The following CHD6 variants were observed in gnomAD, a reference collection of about 807,000 sequenced individuals.
The protein encoded by CHD6 is chromodomain helicase DNA binding protein 6, also known as ATP-dependent chromatin remodeler CHD6.
Under a neutral mutation model 276.9 loss-of-function variants are expected in CHD6, and 50 were observed. That is an observed-to-expected ratio of 0.18 (90% CI 0.14 to 0.23). The LOEUF is 0.23. CHD6 is among the 10% of genes least tolerant of loss of function. CHD6 has a pLI of 1.00. For missense variants in CHD6, 2,564 were observed against 3,365.8 expected, an observed-to-expected ratio of 0.76 and a Z score of 5.89; for synonymous variants, 1,173 against 1,229.3, an observed-to-expected ratio of 0.95 and a Z score of 0.96.
At chr20:41,482,683 A>G (rs1444728087) in intron 16 of CHD6, 4 of 362,456 alleles carry the variant, frequency 1.1e-5, no homozygotes, top group Non-Finnish European at 2.2e-5. Flanking sequence ...AAAGTAATAC[A>G]CATGAGGTAA....
At chr20:41,510,525 T>C (rs1266190922) in intron 5 of CHD6, among the ~76,000 whole-genome samples, 1 of 152,218 alleles carries the variant, frequency 6.6e-6, no homozygotes, top group Non-Finnish European at 1.5e-5. Context: ...TCCTTAAATT[T>C]AGTAAATTTT....
Position 41,533,684 on chromosome 20 carries a change from T to C in CHD6, c.34-114A>G, listed in dbSNP as rs1336774210. On this transcript the variant is annotated intron_variant, in intron 2 of 36. Transcript: ENST00000373233. ...CAACAAATATTTACTGAGTTCCCAC[T>C]CTCTGTTAGTTCCTATTGTGCTAGG... 12 of 925,260 alleles carry C rather than the reference T, an allele frequency of 1.3e-5. No homozygotes were observed. In the South Asian group the frequency reaches 1.9e-4, roughly 14 times the overall value. The allele number at this position is 925,260 out of a possible 1,614,324, so 57.3% of individuals were successfully genotyped here. A position where few individuals can be genotyped will look rare whatever the true frequency, so the allele number is the denominator to read the frequency against.
intron 1 of CHD6, among the ~76,000 whole-genome samples, chr20:41,590,116 G>C (rs1017834305): frequency 6.6e-6 from 1 of 152,136 alleles, no homozygotes; most frequent in African/African-American, 2.4e-5. Flanking sequence ...AATGGGGAAA[G>C]GATTCCCTAT....
chr20:41,565,861 G>C (rs1167171719), intron 1 of CHD6, among the ~76,000 whole-genome samples: 1 of 152,154 alleles, frequency 6.6e-6, no homozygotes, highest in Non-Finnish European at 1.5e-5. Flanking sequence ...ATTAACAAAG[G>C]CTGACCAATG....
At position 41,404,712 on chromosome 20, in the gene CHD6, T is replaced by C. The variant is rs1262581758; in HGVS notation, c.8029A>G (p.Arg2677Gly). 6.3e-7 allele frequency: 1 copy of C among 1,599,028 alleles called. No individual in the cohort carries two copies. The highest frequency in any genetic ancestry group is 2.2e-5 in the East Asian group (1 of 44,760). The change falls in exon 37 of 37, where the codon AGG (arginine) becomes GGG (glycine). Residue 2677 changes from arginine (R) to glycine (G), a missense_variant. By Grantham distance (125) the Arg-to-Gly change is moderately radical. This residue lies in a region of CHD6 where 238 missense variants were observed against 266.0 expected (regional missense o/e 0.89). Transcript: ENST00000373233. The stretch of plus-strand genomic sequence containing the variant: ...CAGTTCTCATCACCGCTGGGCTCCC[T>C]TTCACAGCTGGGAGCAGGCTCTGGG... The part of the protein sequence containing the change: ...SHPEPAPSCE[R>G]EPSGDENCAE...
At chr20:41,481,953 C>A (rs959391382) in intron 16 of CHD6, among the ~76,000 whole-genome samples, 6 of 151,886 alleles carry the variant, frequency 4.0e-5, no homozygotes, top group Non-Finnish European at 8.8e-5. Flanking sequence ...GAGAAGATAA[C>A]CCCCAAGATG....
chr20:41,542,507 A>C (rs1020144599), intron 2 of CHD6, among the ~76,000 whole-genome samples: 1 of 151,890 alleles, frequency 6.6e-6, no homozygotes, highest in African/African-American at 2.4e-5. Flanking sequence ...CCTGGCTAAC[A>C]TGGTAAAACC....
intron 2 of CHD6, among the ~76,000 whole-genome samples, chr20:41,541,391 A>G (rs2044939707): frequency 6.6e-6 from 1 of 152,224 alleles, no homozygotes; most frequent in Non-Finnish European, 1.5e-5. Flanking sequence ...TGTTCTTCAC[A>G]TAGTCACAGC....
intron 25 of CHD6, among the ~76,000 whole-genome samples, chr20:41,443,607 C>T (rs1431044050): frequency 6.6e-6 from 1 of 152,170 alleles, no homozygotes; most frequent in Non-Finnish European, 1.5e-5. Context: ...CTTGTTTCAC[C>T]TCTTGGATGT....
At chr20:41,479,351 T>TC (rs1427292663) in intron 16 of CHD6, among the ~76,000 whole-genome samples, 1 of 152,118 alleles carries the variant, frequency 6.6e-6, no homozygotes, top group East Asian at 1.9e-4. Flanking sequence ...GCAGGATGAA[T>TC]CCCAATGATC....
At chr20:41,543,312 G>C (rs1473012782) in intron 2 of CHD6, among the ~76,000 whole-genome samples, 1 of 152,062 alleles carries the variant, frequency 6.6e-6, no homozygotes, top group Non-Finnish European at 1.5e-5. Flanking sequence ...CTAAGATTTG[G>C]GATTTGACTC....
At chr20:41,589,204 G>C (rs1401813223) in intron 1 of CHD6, among the ~76,000 whole-genome samples, 1 of 152,158 alleles carries the variant, frequency 6.6e-6, no homozygotes, top group Non-Finnish European at 1.5e-5. Context: ...ATTAGGTATT[G>C]ATGGGACATA....
At position 41,533,413 on chromosome 20, in the gene CHD6, G is replaced by A; in HGVS notation, c.191C>T (p.Ala64Val). ...AAAAAGGGTAGCAGCTTCCTCTTCA[G>A]CAGTATACAGGTCCTTCTGAGGCAG... The part of the protein sequence containing the change: ...HCLPQKDLYT[A>V]EEEAATLFPR... Residue 64 changes from alanine (A) to valine (V), a missense_variant, in exon 3 of 37, where the codon GCT (alanine) becomes GTT (valine). This residue lies in a region of CHD6 where 286 missense variants were observed against 297.8 expected (regional missense o/e 0.96). Coordinates refer to ENST00000373233, the MANE Select transcript of CHD6 (RefSeq NM_032221.5). The A allele has an allele frequency of 6.2e-7, 1 of 1,614,054 alleles. No individual in the cohort carries two copies. Among genetic ancestry groups the A allele is most frequent in the Non-Finnish European group, 8.5e-7 (1 of 1,180,014 alleles).
chr20:41,532,706 C>T (rs886596602), intron 3 of CHD6, among the ~76,000 whole-genome samples: 2 of 151,882 alleles, frequency 1.3e-5, no homozygotes, highest in African/African-American at 4.8e-5. Context: ...ATAGGGGGTA[C>T]ATCTACACAG....
intron 1 of CHD6, among the ~76,000 whole-genome samples, chr20:41,593,289 TCCCTTGTG>T (rs1319022233): frequency 6.6e-6 from 1 of 152,012 alleles, no homozygotes. Flanking sequence ...TGAAATTATC[TCCCTTGTG>T]ATGCTCACAT....
Position 41,451,094 on chromosome 20 carries a change from G to A in CHD6, c.3535C>T (p.Pro1179Ser), listed in dbSNP as rs1303527543. ...TTCCCCTTCCTCCCTCTGGGGACTGGGGCAGATAAGCCTGAAACAGAAAGA... is the reference window on the plus strand; with the variant it reads ...TTCCCCTTCCTCCCTCTGGGGACTGAGGCAGATAAGCCTGAAACAGAAAGA... ...TLQNHSGLSA[P>S]VPRGRKGKKT... The change falls in exon 23 of 37, where the codon CCA becomes TCA. Residue 1179 changes from proline (P) to serine (S), a missense_variant. Physicochemically the swap from Pro to Ser is moderately conservative, Grantham distance 74. Around this residue, in one of 7 missense-constraint regions of CHD6, gnomAD observed 515 missense variants for 739.5 expected, o/e 0.70. Transcript: ENST00000373233. The A allele has an allele frequency of 3.1e-6, 5 of 1,613,696 alleles. No homozygotes were observed. Among genetic ancestry groups the A allele is most frequent in the East Asian group, 2.2e-5 (1 of 44,878 alleles).
chr20:41,524,139 ATCT>A (rs538144451), intron 3 of CHD6, among the ~76,000 whole-genome samples: 145 of 152,304 alleles, frequency 9.5e-4, no homozygotes, highest in Non-Finnish European at 1.5e-3. Flanking sequence ...ATAGGCTTTG[ATCT>A]TCTTCCCAGG....
intron 22 of CHD6, among the ~76,000 whole-genome samples, chr20:41,451,491 C>G (rs534455069): frequency 2.0e-5 from 3 of 152,286 alleles, no homozygotes; most frequent in Non-Finnish European, 2.9e-5. Flanking sequence ...AAGGCACAGA[C>G]AGAGGTGGGA....
chr20:41,519,016 T>C (rs1343713337), intron 3 of CHD6, among the ~76,000 whole-genome samples: 1 of 152,178 alleles, frequency 6.6e-6, no homozygotes, highest in Non-Finnish European at 1.5e-5. Flanking sequence ...GTGTGGTGGC[T>C]CATGACTGTA....
Sources: gnomAD v4.1 joint callset for allele counts (sites outside exome capture counted in the v4.1 genomes callset) on GRCh38, gnomAD v4.1.1 for gene constraint, gnomAD v4.1.1 regional missense constraint, MANE v1.5 for transcripts, NCBI Gene and HGNC (gene_info 2026-07-23, HGNC 2026-07-21) for gene names.